The following TCF7L1 variants were observed in gnomAD, a reference collection of about 807,000 sequenced individuals.
TCF7L1 encodes the protein transcription factor 7 like 1, also known as transcription factor 7-like 1.
TCF7L1 carries 18 observed loss-of-function variants against 63.7 expected under a neutral mutation model. That is an observed-to-expected ratio of 0.28 (90% CI 0.20 to 0.42). The LOEUF (loss-of-function observed/expected upper bound fraction) is 0.42. TCF7L1 is among the 10% of genes least tolerant of loss of function. TCF7L1 has a pLI of 1.00. For synonymous variants in TCF7L1, 355 were observed against 340.9 expected, an observed-to-expected ratio of 1.04 and a Z score of -0.46; for missense variants, 654 against 779.3, an observed-to-expected ratio of 0.84 and a Z score of 1.91.
At chr2:85,232,034 A>G (rs1680091363) in intron 3 of TCF7L1, among the ~76,000 whole-genome samples, 1 of 152,126 alleles carries the variant, frequency 6.6e-6, no homozygotes, top group South Asian at 2.1e-4. Flanking sequence ...GATGGGTGTC[A>G]TTTCTCATTG....
At chr2:85,249,267 G>T (rs1264502245) in intron 3 of TCF7L1, among the ~76,000 whole-genome samples, 1 of 152,220 alleles carries the variant, frequency 6.6e-6, no homozygotes, top group East Asian at 1.9e-4. Flanking sequence ...CTACTGCTAA[G>T]GAAAAAGTGG....
Position 85,134,996 on chromosome 2 carries a change from G to A in TCF7L1, c.441+546G>A, listed in dbSNP as rs1677557878. Among the ~76,000 whole-genome samples the A allele has an allele frequency of 1.3e-5, 2 of 152,154 alleles. No homozygotes were observed. Among genetic ancestry groups the A allele is most frequent in the Non-Finnish European group, 2.9e-5 (2 of 68,034 alleles). On this transcript the variant is annotated intron_variant, in intron 3 of 11. Coordinates refer to ENST00000282111, the MANE Select transcript of TCF7L1 (RefSeq NM_031283.3). This position sits in a 1 kb window ranked among gnomAD's most constrained non-coding sequence, Gnocchi z 5.0. ...AGCTAGCTCCGAATTTTAAACTCGC[G>A]TAGATGATTTCGAGGCGACCCAAGG...
chr2:85,184,692 T>C (rs1678874307), intron 3 of TCF7L1, among the ~76,000 whole-genome samples: 1 of 151,910 alleles, frequency 6.6e-6, no homozygotes, highest in South Asian at 2.1e-4. Flanking sequence ...GCTGCAGCAC[T>C]TGGACCCTCT....
chr2:85,286,657 G>A (rs1681565908), intron 4 of TCF7L1, among the ~76,000 whole-genome samples: 1 of 152,064 alleles, frequency 6.6e-6, no homozygotes, highest in Non-Finnish European at 1.5e-5. Context: ...CACTATGCCC[G>A]GCTACCTTTG....
At position 85,134,304 on chromosome 2, in the gene TCF7L1, G is replaced by A. The variant is rs201272934; in HGVS notation, c.314-19G>A. ...GTCCCGGGGGCCTGGGCCTCACCTC[G>A]CCTTGGTCTTGTTCGCAGTGAGAAG... On this transcript the variant is annotated intron_variant, in intron 2 of 11. Coordinates refer to ENST00000282111, the MANE Select transcript of TCF7L1 (RefSeq NM_031283.3). This position sits in a 1 kb window ranked among gnomAD's most constrained non-coding sequence, Gnocchi z 5.0. The A allele has an allele frequency of 1.9e-6, 3 of 1,572,804 alleles. No homozygotes were observed. The highest frequency in any genetic ancestry group is 2.7e-5 in the African/African-American group (2 of 73,856).
rs372762737 is a variant in TCF7L1, at chr2:85,298,220, G to A, written c.526-4264G>A. On this transcript the variant is annotated intron_variant, in intron 4 of 11. Transcript: ENST00000282111. ...AAAAAAAAAAAAGTGCAGGCCGGGC[G>A]CGGTGGCTCACGCCTGTATCCCAGC... Among the ~76,000 whole-genome samples, 75 of 133,174 alleles carry A rather than the reference G, an allele frequency of 5.6e-4. 1 individual carries two copies. Among genetic ancestry groups the A allele is most frequent in the African/African-American group, 1.6e-3 (55 of 33,772 alleles). 87.4% of individuals were successfully genotyped at this position (133,174 alleles called of 152,430 possible). A position where few individuals can be genotyped will look rare whatever the true frequency, so the allele number is the denominator to read the frequency against.
At chr2:85,304,807 T>C (rs1682069196) in intron 7 of TCF7L1, among the ~76,000 whole-genome samples, 1 of 152,232 alleles carries the variant, frequency 6.6e-6, no homozygotes, top group African/African-American at 2.4e-5. Context: ...AGTCACGGAC[T>C]GTCTGTATAT....
chr2:85,236,594 T>C (rs1680197781), intron 3 of TCF7L1, among the ~76,000 whole-genome samples: 1 of 152,046 alleles, frequency 6.6e-6, no homozygotes, highest in African/African-American at 2.4e-5. Context: ...CTGGGAGGCA[T>C]CCCATAAGGT....
intron 3 of TCF7L1, among the ~76,000 whole-genome samples, chr2:85,242,286 G>A (rs986746085): frequency 2.0e-5 from 3 of 152,144 alleles, no homozygotes; most frequent in Non-Finnish European, 4.4e-5. Context: ...TAGAACCCAC[G>A]TCACATAAAG....
chr2:85,165,609 A>G (rs1397095266), intron 3 of TCF7L1, among the ~76,000 whole-genome samples: 1 of 152,162 alleles, frequency 6.6e-6, no homozygotes, highest in Non-Finnish European at 1.5e-5. Flanking sequence ...GACAACACTA[A>G]AGCTGGGGTT....
At chr2:85,271,837 A>G (rs918672543) in intron 3 of TCF7L1, among the ~76,000 whole-genome samples, 1 of 152,144 alleles carries the variant, frequency 6.6e-6, no homozygotes, top group Non-Finnish European at 1.5e-5. Context: ...TAAACAGCAC[A>G]GTTTTATGTT....
At chr2:85,207,488 T>C (rs1679435419) in intron 3 of TCF7L1, among the ~76,000 whole-genome samples, 1 of 151,982 alleles carries the variant, frequency 6.6e-6, no homozygotes, top group Admixed American at 6.6e-5. Context: ...AGCTGCCGGC[T>C]AGCTATCCCT....
chr2:85,283,673 C>G, intron 4 of TCF7L1, 95 bp downstream of exon 4: 1 of 1,338,684 alleles, frequency 7.5e-7, no homozygotes, highest in Non-Finnish European at 1.1e-6. Flanking sequence ...CAGATGGGGT[C>G]CAACAGTGTT....
chr2:85,251,456 A>G (rs546686411), intron 3 of TCF7L1, among the ~76,000 whole-genome samples: 2 of 152,186 alleles, frequency 1.3e-5, no homozygotes, highest in Non-Finnish European at 2.9e-5. Flanking sequence ...GTTTCCATAA[A>G]GGCTTTTTCT....
At chr2:85,208,447 G>A (rs1679465256) in intron 3 of TCF7L1, among the ~76,000 whole-genome samples, 1 of 152,154 alleles carries the variant, frequency 6.6e-6, no homozygotes, top group South Asian at 2.1e-4. Context: ...AGCAGAGTAA[G>A]GCAGGTAGAG....
chr2:85,294,433 G>A (rs1681800421), intron 4 of TCF7L1, among the ~76,000 whole-genome samples: 1 of 152,144 alleles, frequency 6.6e-6, no homozygotes, highest in Non-Finnish European at 1.5e-5. Context: ...GGTCGAGCCT[G>A]AGAATTTGCA....
chr2:85,255,237 G>T (rs780171871), intron 3 of TCF7L1, among the ~76,000 whole-genome samples: 2 of 152,124 alleles, frequency 1.3e-5, no homozygotes, highest in African/African-American at 2.4e-5. Context: ...AGGGCCTCTG[G>T]TTCAGGACCA....
chr2:85,283,271 C>CGCG (rs1553406733), intron 3 of TCF7L1, among the ~76,000 whole-genome samples: 2 of 150,000 alleles, frequency 1.3e-5, no homozygotes. Context: ...CGTGTCCCCC[C>CGCG]CCCCAAAATG....
chr2:85,240,706 G>T (rs1055947136), intron 3 of TCF7L1, among the ~76,000 whole-genome samples: 2 of 151,318 alleles, frequency 1.3e-5, no homozygotes, highest in South Asian at 2.1e-4. Flanking sequence ...AACCCAGGCG[G>T]CAGAGGTTGC....
Sources: allele counts gnomAD v4.1 joint callset (sites outside exome capture counted in the v4.1 genomes callset), GRCh38; gene constraint gnomAD v4.1.1; non-coding constraint Gnocchi (gnomAD v3.1); transcripts MANE v1.5; gene names NCBI Gene and HGNC (gene_info 2026-07-23, HGNC 2026-07-21).